The following STXBP4 variants were observed in gnomAD, a reference collection of about 807,000 sequenced individuals.
STXBP4 encodes the protein syntaxin binding protein 4.
In STXBP4, 55 loss-of-function variants were observed where a neutral mutation model predicts 76.1. The ratio of observed to expected loss-of-function variants is 0.72; its 90% CI spans 0.58 to 0.91. STXBP4 has a LOEUF of 0.91. Among genes scored for constraint, STXBP4 ranks in the 40% least tolerant of loss-of-function variants. STXBP4 has a pLI of 0.00. For synonymous variants in STXBP4, 201 were observed against 220.2 expected (o/e 0.91, Z 0.77); for missense variants, 618 against 636.9 (o/e 0.97, Z 0.32).
chr17:55,104,235 C>A (rs1286754802), intron 16 of STXBP4, among the ~76,000 whole-genome samples: 2 of 152,064 alleles, frequency 1.3e-5, no homozygotes, highest in Non-Finnish European at 2.9e-5. Context: ...CAGCTTTTGC[C>A]CATTCAGTAT....
chr17:54,980,573 G>A (rs1357089578), intron 1 of STXBP4, among the ~76,000 whole-genome samples: 1 of 152,202 alleles, frequency 6.6e-6, no homozygotes, highest in Non-Finnish European at 1.5e-5. Context: ...TTCCTCTAGA[G>A]GTTTTCCATC....
intron 12 of STXBP4, among the ~76,000 whole-genome samples, chr17:55,058,724 TC>T (rs994330757): frequency 5.3e-4 from 81 of 152,266 alleles, no homozygotes; most frequent in African/African-American, 1.9e-3. Context: ...TAATTGAATA[TC>T]CTCCATTTTT....
the STXBP4 span, among the ~76,000 whole-genome samples, chr17:55,204,291 C>G: frequency 0.011 from 1,731 of 151,896 alleles, 29 homozygotes; most frequent in African/African-American, 0.039. Flanking sequence ...TTTTCATAGT[C>G]TCCAGTTCTC....
chr17:55,125,962 A>C (rs2079906813), intron 16 of STXBP4, among the ~76,000 whole-genome samples: 2 of 152,130 alleles, frequency 1.3e-5, no homozygotes. Context: ...TCTGGGTCTG[A>C]CCCCAAACTA....
chr17:55,179,314 G>A, the STXBP4 span, among the ~76,000 whole-genome samples: 1 of 151,662 alleles, frequency 6.6e-6, no homozygotes, highest in African/African-American at 2.4e-5. Flanking sequence ...CCTAGAGCAT[G>A]GAAAAAAAAA....
rs530608995 is a variant in STXBP4 at position 55,064,586 on chromosome 17, C to G, written c.1012-8314C>G. Among the ~76,000 whole-genome samples, 6 of 152,232 alleles carry G rather than the reference C, an allele frequency of 3.9e-5. No individual in the cohort carries two copies. In the South Asian group the frequency reaches 1.2e-3, roughly 32 times the overall value. On this transcript the variant is annotated intron_variant, in intron 12 of 17. Transcript: ENST00000376352. ...CTCGGCTACTGCAACCTCCAGCTCC[C>G]GGGTTCAAGCGATTCTACTGCCTCC...
rs1052327450 is a variant in STXBP4 at position 55,107,441 on chromosome 17, A to G, written c.1489+26258A>G. On this transcript the variant is annotated intron_variant, in intron 16 of 17. Transcript: ENST00000376352. ...CACCTTCTGAAGCCTACTTCTGTCA[A>G]TTCATCAAACTCATTCTCCATCCAG... 3.3e-5 allele frequency among the ~76,000 whole-genome samples: 5 copies of G among 152,156 alleles called. No homozygotes were observed. In the East Asian group the frequency reaches 7.7e-4, roughly 23 times the overall value.
chr17:55,177,813 A>G (rs561770064), downstream of STXBP4, among the ~76,000 whole-genome samples: 47 of 152,334 alleles, frequency 3.1e-4, no homozygotes, highest in African/African-American at 1.1e-3. Flanking sequence ...ATGGAAGATG[A>G]CAATGGTTAT....
At chr17:55,134,122 A>G (rs956729871) in intron 16 of STXBP4, among the ~76,000 whole-genome samples, 3 of 152,022 alleles carry the variant, frequency 2.0e-5, no homozygotes, top group Non-Finnish European at 4.4e-5. Flanking sequence ...GTTTTGAGTA[A>G]GTAAGATGGG....
At chr17:54,973,094 G>T (rs2077423040) in intron 1 of STXBP4, among the ~76,000 whole-genome samples, 1 of 152,202 alleles carries the variant, frequency 6.6e-6, no homozygotes, top group South Asian at 2.1e-4. Flanking sequence ...GGCCAGTTAG[G>T]AAGTTTGGTT....
chr17:55,134,854 A>G (rs2080011233), intron 16 of STXBP4, among the ~76,000 whole-genome samples: 1 of 152,146 alleles, frequency 6.6e-6, no homozygotes, highest in Non-Finnish European at 1.5e-5. Flanking sequence ...TCATTCCCCC[A>G]GCATTATATA....
intron 1 of STXBP4, among the ~76,000 whole-genome samples, chr17:54,971,212 C>T (rs983911135): frequency 6.6e-6 from 1 of 152,186 alleles, no homozygotes; most frequent in African/African-American, 2.4e-5. Context: ...CCTTCCAAAC[C>T]ACAGAGCAGG....
chr17:55,107,187 A>G (rs1036328695), intron 16 of STXBP4, among the ~76,000 whole-genome samples: 1 of 152,038 alleles, frequency 6.6e-6, no homozygotes, highest in East Asian at 1.9e-4. Context: ...CATTAAGTTG[A>G]TCTTCAATCT....
the STXBP4 span, among the ~76,000 whole-genome samples, chr17:55,184,161 A>G: frequency 6.6e-6 from 1 of 152,144 alleles, no homozygotes; most frequent in Non-Finnish European, 1.5e-5. Context: ...TTCCTTTATA[A>G]TTGTATAACT....
intron 13 of STXBP4, among the ~76,000 whole-genome samples, chr17:55,075,241 T>C (rs535730925): frequency 2.6e-5 from 4 of 152,262 alleles, no homozygotes; most frequent in African/African-American, 9.6e-5. Flanking sequence ...TAACAATATG[T>C]TGTTTAGTTT....
At chr17:55,187,440 A>AC in the STXBP4 span, among the ~76,000 whole-genome samples, 41 of 152,102 alleles carry the variant, frequency 2.7e-4, no homozygotes, top group African/African-American at 8.9e-4. Flanking sequence ...AAAAAAAAAA[A>AC]AACAACAACA....
intron 16 of STXBP4, among the ~76,000 whole-genome samples, chr17:55,117,857 A>C (rs1460683190): frequency 6.6e-6 from 1 of 151,874 alleles, no homozygotes; most frequent in Non-Finnish European, 1.5e-5. Context: ...TTTCACCAAC[A>C]GATATTGATT....
chr17:55,073,317 G>A (rs2079144480), intron 13 of STXBP4, among the ~76,000 whole-genome samples: 1 of 152,130 alleles, frequency 6.6e-6, no homozygotes. Flanking sequence ...GGTCAAAATT[G>A]TTCAGTTCAG....
intron 16 of STXBP4, among the ~76,000 whole-genome samples, chr17:55,135,472 A>T (rs1284660740): frequency 2.0e-5 from 3 of 152,122 alleles, no homozygotes; most frequent in Non-Finnish European, 1.5e-5. Context: ...CAAGACCAAT[A>T]TTAAGGAGTG....
Sources: gnomAD v4.1 joint callset for allele counts (sites outside exome capture counted in the v4.1 genomes callset) on GRCh38, gnomAD v4.1.1 for gene constraint, MANE v1.5 for transcripts, NCBI Gene and HGNC (gene_info 2026-07-23, HGNC 2026-07-21) for gene names.